Variants in AGXT2 observed in about 807,000 individuals in gnomAD.
AGXT2 encodes the protein alanine--glyoxylate aminotransferase 2, mitochondrial.
A neutral mutation model predicts 62.5 loss-of-function variants in AGXT2; 61 were observed. The observed-to-expected ratio is 0.98, with a 90% confidence interval of 0.79 to 1.21. AGXT2 has a LOEUF of 1.21. Among genes scored for constraint, AGXT2 ranks in the 50% most tolerant of loss-of-function variants. The pLI is 0.00. For missense variants in AGXT2, 666 were observed against 641.5 expected, an observed-to-expected ratio of 1.04 and a Z score of -0.41; for synonymous variants, 243 against 218.7, an observed-to-expected ratio of 1.11 and a Z score of -0.98.
chr5:35,047,588 C>T (rs753890895), intron 1 of AGXT2, among the ~76,000 whole-genome samples: 5 of 151,934 alleles, frequency 3.3e-5, no homozygotes, highest in South Asian at 2.1e-4. Context: ...TCATTATCCA[C>T]GAATTTCATT....
At chr5:35,020,090 C>T (rs992028503) in intron 9 of AGXT2, among the ~76,000 whole-genome samples, 1 of 152,122 alleles carries the variant, frequency 6.6e-6, no homozygotes, top group African/African-American at 2.4e-5. Flanking sequence ...AATAGCTTAC[C>T]AACCAAAAAG....
intron 9 of AGXT2, among the ~76,000 whole-genome samples, chr5:35,024,745 G>A (rs1767257351): frequency 6.6e-6 from 1 of 152,156 alleles, no homozygotes; most frequent in Non-Finnish European, 1.5e-5. Context: ...AAGGTGGGCA[G>A]ATCACCTGAG....
chr5:35,006,798 G>T (rs1035755898), intron 12 of AGXT2, among the ~76,000 whole-genome samples: 4 of 152,338 alleles, frequency 2.6e-5, no homozygotes, highest in East Asian at 1.9e-4. Context: ...CCTGGGTGAT[G>T]CTGGACAGCA....
intron 9 of AGXT2, among the ~76,000 whole-genome samples, chr5:35,019,028 C>T (rs1412504435): frequency 2.9e-5 from 3 of 102,498 alleles, no homozygotes; most frequent in Non-Finnish European, 5.5e-5. Flanking sequence ...AGCTAACTAT[C>T]CTAAATATAT....
At chr5:35,021,177 C>T (rs1767065644) in intron 9 of AGXT2, among the ~76,000 whole-genome samples, 1 of 152,154 alleles carries the variant, frequency 6.6e-6, no homozygotes, top group Non-Finnish European at 1.5e-5. Flanking sequence ...CAATGCCATC[C>T]CCATCAAGCT....
intron 6 of AGXT2, 176 bp downstream of exon 6, chr5:35,033,283 CG>C: frequency 1.6e-6 from 1 of 629,542 alleles, no homozygotes; most frequent in Non-Finnish European, 2.9e-6. Context: ...TACTCAGACT[CG>C]GAAGGCCTTT....
chr5:35,027,081 GTT>G, intron 7 of AGXT2: 1 of 872,246 alleles, frequency 1.1e-6, no homozygotes, highest in Non-Finnish European at 1.4e-6. Context: ...TCCTGTGCTT[GTT>G]TTTAACAGGA....
intron 9 of AGXT2, among the ~76,000 whole-genome samples, chr5:35,015,678 C>A (rs1470773085): frequency 1.3e-5 from 2 of 151,852 alleles, no homozygotes; most frequent in African/African-American, 2.4e-5. Context: ...GATGAAACCT[C>A]ATCTCTACTA....
intron 9 of AGXT2, among the ~76,000 whole-genome samples, chr5:35,014,530 T>G (rs1369315668): frequency 6.6e-6 from 1 of 151,624 alleles, no homozygotes; most frequent in Non-Finnish European, 1.5e-5. Flanking sequence ...ATCCTCATGA[T>G]GGCCATCATC....
intron 1 of AGXT2, among the ~76,000 whole-genome samples, chr5:35,046,476 T>C (rs955259750): frequency 6.6e-6 from 1 of 152,100 alleles, no homozygotes; most frequent in African/African-American, 2.4e-5. Flanking sequence ...GAGTTCGGAG[T>C]CAGATAGACC....
chr5:35,008,878 A>G (rs1766524729), intron 12 of AGXT2, among the ~76,000 whole-genome samples: 2 of 152,192 alleles, frequency 1.3e-5, no homozygotes, highest in Non-Finnish European at 2.9e-5. Context: ...CCCTACTCCC[A>G]AGATTCTCCT....
chr5:35,041,453 T>G (rs1767988680), intron 1 of AGXT2, among the ~76,000 whole-genome samples: 1 of 152,134 alleles, frequency 6.6e-6, no homozygotes, highest in South Asian at 2.1e-4. Flanking sequence ...CTCTGACTCC[T>G]AGCCCAGTAG....
At chr5:35,030,260 C>A (rs576512288) in intron 7 of AGXT2, among the ~76,000 whole-genome samples, 1 of 152,308 alleles carries the variant, frequency 6.6e-6, no homozygotes, top group African/African-American at 2.4e-5. Flanking sequence ...GTGATCCCAG[C>A]ACTTTGGGAG....
chr5:35,038,868 T>C (rs1043987281), intron 3 of AGXT2, among the ~76,000 whole-genome samples: 1 of 152,198 alleles, frequency 6.6e-6, no homozygotes, highest in African/African-American at 2.4e-5. Context: ...GGATTGCATC[T>C]GTCTCTTATC....
At chr5:35,025,892 G>A (rs375236288) in intron 8 of AGXT2, 37 bp from the exon 9 acceptor site, 147 of 1,557,894 alleles carry the variant, frequency 9.4e-5, no homozygotes, top group Admixed American at 2.8e-4. Context: ...TATAATAATA[G>A]CATCAGCCCT....
intron 13 of AGXT2, among the ~76,000 whole-genome samples, chr5:35,001,685 A>C (rs1481250038): frequency 6.6e-6 from 1 of 152,176 alleles, no homozygotes; most frequent in East Asian, 1.9e-4. Context: ...TGCACCAGCC[A>C]CATCTGTGTG....
rs762749151 is a variant in AGXT2 at position 35,025,860 on chromosome 5, A to C, written c.871-5T>G. The C allele has an allele frequency of 6.2e-7, 1 of 1,613,786 alleles. No individual in the cohort carries two copies. Among genetic ancestry groups the C allele is most frequent in the African/African-American group, 1.3e-5 (1 of 74,918 alleles). On this transcript the variant is annotated splice_polypyrimidine_tract_variant and splice_region_variant and intron_variant, in intron 8 of 13. Coordinates refer to ENST00000231420, the MANE Select transcript of AGXT2 (RefSeq NM_031900.4). The stretch of plus-strand genomic sequence containing the variant: ...CTGGACAACTCCATTCACACCCTGC[A>C]AAAGACCAGACCAAGAAGACCTATA...
intron 1 of AGXT2, among the ~76,000 whole-genome samples, chr5:35,047,284 A>G (rs1768264754): frequency 6.6e-6 from 1 of 152,176 alleles, no homozygotes; most frequent in Non-Finnish European, 1.5e-5. Flanking sequence ...ACAAAAGTTA[A>G]AAAAGAAAAA....
chr5:35,020,892 A>C (rs1235326533), intron 9 of AGXT2, among the ~76,000 whole-genome samples: 1 of 152,162 alleles, frequency 6.6e-6, no homozygotes, highest in Non-Finnish European at 1.5e-5. Flanking sequence ...ATACAAAATC[A>C]ATGTACAAAA....
Sources: gnomAD v4.1 joint callset for allele counts (sites outside exome capture counted in the v4.1 genomes callset) on GRCh38, gnomAD v4.1.1 for gene constraint, MANE v1.5 for transcripts, NCBI Gene and HGNC (gene_info 2026-07-23, HGNC 2026-07-21) for gene names.